Variants in SPATA13 observed in about 807,000 individuals in gnomAD.
SPATA13 encodes the protein spermatogenesis associated 13.
Under a neutral mutation model 104.0 loss-of-function variants are expected in SPATA13, and 50 were observed. The ratio of observed to expected loss-of-function variants is 0.48; its 90% CI spans 0.38 to 0.61. The LOEUF is 0.61. Among genes scored for constraint, SPATA13 ranks in the 20% least tolerant of loss-of-function variants. The probability of loss-of-function intolerance (pLI) is 0.00; values close to 1 mark genes in which losing one functional copy is unlikely to be tolerated. For synonymous variants in SPATA13, 606 were observed against 667.5 expected (o/e 0.91, Z 1.42); for missense variants, 1,524 against 1,690.6 (o/e 0.90, Z 1.73).
chr13:24,089,275 CATGAGCAGTGCT>C lies in SPATA13; in HGVS notation c.-112+71579_-112+71590del, dbSNP rs566647370. On this transcript the variant is annotated intron_variant, in intron 3 of 14. Coordinates refer to the SPATA13 transcript ENST00000424834. ...GTTTGCTGTTCGTATGGTCATAACC[CATGAGCAGTGCT>C]ATGACCATATTTGCATGGGACCCCC... is the stretch of plus-strand genomic sequence containing the variant. Among the ~76,000 whole-genome samples the C allele has an allele frequency of 3.9e-5, 6 of 152,296 alleles. No individual in the cohort carries two copies. In the South Asian group the frequency reaches 1.2e-3, roughly 32 times the overall value.
At chr13:24,243,923 GT>G (rs1437720499) in intron 2 of SPATA13, among the ~76,000 whole-genome samples, 1 of 152,202 alleles carries the variant, frequency 6.6e-6, no homozygotes, top group Non-Finnish European at 1.5e-5. Flanking sequence ...TGCTGTATGA[GT>G]TTCCCAGGGT....
chr13:24,171,232 C>T (rs1182120275), intron 1 of SPATA13, among the ~76,000 whole-genome samples: 1 of 152,112 alleles, frequency 6.6e-6, no homozygotes, highest in East Asian at 1.9e-4. Flanking sequence ...GAGCATGAGG[C>T]ACTTGGAAAG....
At chr13:24,245,203 C>T (rs1873050193) in intron 2 of SPATA13, among the ~76,000 whole-genome samples, 1 of 151,800 alleles carries the variant, frequency 6.6e-6, no homozygotes, top group Admixed American at 6.6e-5. Context: ...TGTGTGTCTA[C>T]AGTTCCAAGT....
intron 2 of SPATA13, among the ~76,000 whole-genome samples, chr13:23,993,986 CTT>C (rs60416353): frequency 6.6e-5 from 8 of 121,962 alleles, no homozygotes; most frequent in Admixed American, 8.2e-5. Flanking sequence ...TTTTTTTTTT[CTT>C]TTTTTTTTTT....
At chr13:24,018,660 G>T (rs898893750) in intron 3 of SPATA13, among the ~76,000 whole-genome samples, 1 of 152,162 alleles carries the variant, frequency 6.6e-6, no homozygotes, top group African/African-American at 2.4e-5. Flanking sequence ...TTAGCAGAGG[G>T]TTACTTATTG....
intron 2 of SPATA13, among the ~76,000 whole-genome samples, chr13:24,226,061 G>C (rs1871919371): frequency 6.6e-6 from 1 of 152,198 alleles, no homozygotes; most frequent in South Asian, 2.1e-4. Context: ...GAGTGGCGGA[G>C]TCTGGGGGTT....
At chr13:23,999,732 C>A (rs1359980864) in intron 2 of SPATA13, among the ~76,000 whole-genome samples, 1 of 152,226 alleles carries the variant, frequency 6.6e-6, no homozygotes, top group East Asian at 1.9e-4. Context: ...TGTTTGAAAA[C>A]TGGTGTTTCT....
chr13:24,188,577 T>C (rs1451383250), intron 1 of SPATA13, among the ~76,000 whole-genome samples: 2 of 152,160 alleles, frequency 1.3e-5, no homozygotes, highest in Non-Finnish European at 2.9e-5. Context: ...TGCGGGTTCT[T>C]GAGGTTTAAG....
chr13:24,008,296 G>A (rs1159511608), intron 2 of SPATA13, among the ~76,000 whole-genome samples: 1 of 152,220 alleles, frequency 6.6e-6, no homozygotes, highest in East Asian at 1.9e-4. Context: ...GTGGGCTGAG[G>A]GGCTCTTCTT....
intron 2 of SPATA13, among the ~76,000 whole-genome samples, chr13:23,988,252 T>G (rs1875246979): frequency 6.6e-6 from 1 of 152,142 alleles, no homozygotes; most frequent in South Asian, 2.1e-4. Flanking sequence ...CAGCCAATTT[T>G]GTTCCTTTTT....
At chr13:24,141,793 G>A (rs534201814) in intron 3 of SPATA13, among the ~76,000 whole-genome samples, 3 of 152,292 alleles carry the variant, frequency 2.0e-5, no homozygotes, top group African/African-American at 4.8e-5. Context: ...TTAAGTGAAC[G>A]TTGTTATTTT....
intron 3 of SPATA13, among the ~76,000 whole-genome samples, chr13:24,071,607 T>C (rs1342588383): frequency 6.6e-6 from 1 of 152,172 alleles, no homozygotes; most frequent in Non-Finnish European, 1.5e-5. Context: ...CCCTCTGTAG[T>C]ATGGAGCTTG....
At chr13:23,986,299 G>T (rs1875147732) in intron 2 of SPATA13, among the ~76,000 whole-genome samples, 2 of 152,270 alleles carry the variant, frequency 1.3e-5, no homozygotes, top group African/African-American at 4.8e-5. Flanking sequence ...GGGCATCTAA[G>T]AATTTTATTT....
chr13:24,035,258 A>C (rs1233575646), intron 3 of SPATA13, among the ~76,000 whole-genome samples: 1 of 151,610 alleles, frequency 6.6e-6, no homozygotes, highest in Non-Finnish European at 1.5e-5. Flanking sequence ...ACATTCAGGC[A>C]ATTCTCGTGC....
intron 3 of SPATA13, among the ~76,000 whole-genome samples, chr13:24,037,811 C>A (rs558902232): frequency 1.4e-3 from 210 of 152,146 alleles, no homozygotes; most frequent in Middle Eastern, 0.014. Context: ...CCCATGAAAC[C>A]CCCAGAACTT....
At chr13:24,132,518 C>T (rs766687314) in intron 3 of SPATA13, among the ~76,000 whole-genome samples, 2 of 152,202 alleles carry the variant, frequency 1.3e-5, no homozygotes, top group Non-Finnish European at 2.9e-5. Context: ...TGGGGGTAAA[C>T]TAACTGCCAA....
chr13:24,236,466 G>A lies in SPATA13; in HGVS notation c.1653+11884G>A, dbSNP rs146835878. 2.1e-3 allele frequency among the ~76,000 whole-genome samples: 318 copies of A among 152,016 alleles called. 4 individuals carry two copies. The highest frequency in any genetic ancestry group is 7.4e-3 in the African/African-American group (308 of 41,458). ...AAAAATTAGCTGGGCGTGGTGGCAC[G>A]CACCTGTAGTCCCAGCTACTCGGGG... On this transcript the variant is annotated intron_variant, in intron 2 of 12. Coordinates refer to ENST00000382108, the MANE Select transcript of SPATA13 (RefSeq NM_001166271.3).
chr13:24,160,603 C>A (rs1260188267), upstream of SPATA13: 1 of 487,262 alleles, frequency 2.1e-6, no homozygotes, highest in Non-Finnish European at 2.5e-6. Context: ...GGGGCGTGGC[C>A]GAGGGTGTGG....
Position 23,991,412 on chromosome 13 carries a change from G to C in SPATA13, c.-147+7479G>C, listed in dbSNP as rs898601708. Among the ~76,000 whole-genome samples the C allele has an allele frequency of 3.9e-5, 6 of 152,268 alleles. No individual in the cohort carries two copies. In the East Asian group the frequency reaches 1.2e-3, roughly 29 times the overall value. On this transcript the variant is annotated intron_variant, in intron 2 of 14. Transcript: ENST00000424834. ...CAAAGGTCATATTTTACTGCACTCT[G>C]TCTGAAGTAAGCAAACTTTCAGCTG... is the stretch of plus-strand genomic sequence containing the variant.
Sources: gnomAD v4.1 joint callset for allele counts (sites outside exome capture counted in the v4.1 genomes callset) on GRCh38, gnomAD v4.1.1 for gene constraint, MANE v1.5 for transcripts, NCBI Gene and HGNC (gene_info 2026-07-23, HGNC 2026-07-21) for gene names.